Variants in MEF2C observed in about 807,000 individuals in gnomAD.
MEF2C encodes the protein myocyte-specific enhancer factor 2C.
In MEF2C, 6 loss-of-function variants were observed where a neutral mutation model predicts 50.5. The ratio of observed to expected loss-of-function variants is 0.12; its 90% confidence interval spans 0.07 to 0.23. MEF2C has a LOEUF of 0.23. Among genes scored for constraint, MEF2C ranks in the 10% least tolerant of loss-of-function variants. MEF2C has a pLI of 1.00. For missense variants in MEF2C, 276 were observed against 605.0 expected (o/e 0.46, Z 5.70); for synonymous variants, 183 against 228.0 (o/e 0.80, Z 1.78).
chr5:88,754,687 A>G lies in MEF2C; in HGVS notation c.403-2644T>C, dbSNP rs567429039. On this transcript the variant is annotated intron_variant, in intron 4 of 10. Coordinates refer to ENST00000504921, the MANE Select transcript of MEF2C (RefSeq NM_002397.5). ...GATAACTGCAGTCACGTCCTAACAG[A>G]TTTACCTGCTCCGGTCCTTGCCATC... is the stretch of plus-strand genomic sequence containing the variant. Among the ~76,000 whole-genome samples the G allele has an allele frequency of 5.5e-4, 84 of 152,262 alleles. No homozygotes were observed. The South Asian group carries it at 0.011, about 20-fold the overall frequency.
At chr5:88,863,085 C>G (rs1180689150) in intron 1 of MEF2C, among the ~76,000 whole-genome samples, 2 of 152,328 alleles carry the variant, frequency 1.3e-5, no homozygotes, top group South Asian at 2.1e-4. Flanking sequence ...CAGGATTTGA[C>G]TCATCATTTA....
intron 1 of MEF2C, among the ~76,000 whole-genome samples, chr5:88,855,042 T>C (rs1321094818): frequency 6.6e-6 from 1 of 152,194 alleles, no homozygotes; most frequent in Non-Finnish European, 1.5e-5. Context: ...GAGACAAGCA[T>C]GGCAGGAGGT....
chr5:88,792,560 A>G (rs1412376416), intron 3 of MEF2C, among the ~76,000 whole-genome samples: 1 of 152,170 alleles, frequency 6.6e-6, no homozygotes, highest in Non-Finnish European at 1.5e-5. Flanking sequence ...CTCCCTCTTC[A>G]TATTTCAGTC....
intron 1 of MEF2C, among the ~76,000 whole-genome samples, chr5:88,864,851 A>G (rs969516482): frequency 6.6e-6 from 1 of 151,356 alleles, no homozygotes; most frequent in African/African-American, 2.4e-5. Flanking sequence ...ACTCACCGCA[A>G]CCTCCGCCTC....
chr5:88,901,301 C>T lies in MEF2C; in HGVS notation c.-240+2615G>A, dbSNP rs1293637597. Among the ~76,000 whole-genome samples the T allele has an allele frequency of 1.6e-4, 23 of 146,482 alleles. No individual in the cohort carries two copies. The East Asian group carries it at 4.5e-3, about 29-fold the overall frequency. ...TTACATTTGGCACATGGACAGTTGA[C>T]AGCTGTCAGTCAGGTGGCTGGTCAA... On this transcript the variant is annotated intron_variant, in intron 1 of 11. Transcript: ENST00000340208.
At chr5:88,880,137 A>G (rs1454176732) in intron 1 of MEF2C, among the ~76,000 whole-genome samples, 2 of 152,168 alleles carry the variant, frequency 1.3e-5, no homozygotes, top group Admixed American at 6.5e-5. Context: ...ATGGAACAAC[A>G]GTGATTAAAT....
intron 1 of MEF2C, among the ~76,000 whole-genome samples, chr5:88,848,827 A>G (rs1820241546): frequency 6.6e-6 from 1 of 152,142 alleles, no homozygotes; most frequent in Non-Finnish European, 1.5e-5. Flanking sequence ...TGACACAAAG[A>G]TTCTTCAATA....
chr5:88,737,448 T>C, intron 6 of MEF2C: 4 of 985,408 alleles, frequency 4.1e-6, no homozygotes, highest in Non-Finnish European at 4.8e-6. Context: ...TCAGACATTT[T>C]CCCTAATGAA....
chr5:88,729,103 G>A, intron 9 of MEF2C, 115 bp downstream of exon 9: 1 of 1,171,424 alleles, frequency 8.5e-7, no homozygotes, highest in Non-Finnish European at 1.2e-6. Flanking sequence ...CTGCAGTGCT[G>A]TGGACGGCGC....
At chr5:88,832,000 C>T (rs1813251745) in intron 1 of MEF2C, among the ~76,000 whole-genome samples, 1 of 152,122 alleles carries the variant, frequency 6.6e-6, no homozygotes. Context: ...TTCATTCACA[C>T]ATTGTTCTTG....
At chr5:88,766,814 G>A in intron 3 of MEF2C, 1 of 985,312 alleles carries the variant, frequency 1.0e-6, no homozygotes, top group Non-Finnish European at 1.2e-6. Context: ...TTGCATCAAT[G>A]TCATGTTCAC....
At chr5:88,891,362 A>C (rs1834538310) in intron 1 of MEF2C, among the ~76,000 whole-genome samples, 1 of 148,436 alleles carries the variant, frequency 6.7e-6, no homozygotes, top group African/African-American at 2.5e-5. Flanking sequence ...CTAGGATGGA[A>C]TTGGCTCAGA....
intron 6 of MEF2C, chr5:88,733,540 A>G: frequency 1.1e-5 from 11 of 985,260 alleles, no homozygotes; most frequent in Non-Finnish European, 1.3e-5. Context: ...ATGGCCTGAG[A>G]TAGAGGCCAT....
At chr5:88,768,712 G>T (rs191786512) in intron 3 of MEF2C, 1 of 984,840 alleles carries the variant, frequency 1.0e-6, no homozygotes, top group Admixed American at 6.2e-5. Flanking sequence ...GAGGGAGGAA[G>T]ATTAGTCTCA....
At chr5:88,872,417 AT>A (rs1188457077) in intron 1 of MEF2C, among the ~76,000 whole-genome samples, 1 of 151,922 alleles carries the variant, frequency 6.6e-6, no homozygotes, top group African/African-American at 2.4e-5. Context: ...AAAGGTTTTG[AT>A]TTTTTTGGAG....
intron 1 of MEF2C, among the ~76,000 whole-genome samples, chr5:88,864,315 G>GTTA (rs1306512554): frequency 6.6e-6 from 1 of 151,248 alleles, no homozygotes; most frequent in Non-Finnish European, 1.5e-5. Flanking sequence ...AATATATACA[G>GTTA]TTATTATATG....
At chr5:88,781,746 C>T (rs193025930) in intron 3 of MEF2C, among the ~76,000 whole-genome samples, 100 of 152,182 alleles carry the variant, frequency 6.6e-4, no homozygotes, top group Middle Eastern at 3.4e-3. Context: ...CCGAGGCAAG[C>T]GGACCACTTG....
At chr5:88,846,384 G>GA (rs899568478) in intron 1 of MEF2C, among the ~76,000 whole-genome samples, 44 of 152,226 alleles carry the variant, frequency 2.9e-4, no homozygotes, top group African/African-American at 8.9e-4. Context: ...AACACTTTAC[G>GA]AAAGTGCTAC....
At chr5:88,784,829 C>T (rs1790037623) in intron 3 of MEF2C, among the ~76,000 whole-genome samples, 1 of 152,154 alleles carries the variant, frequency 6.6e-6, no homozygotes, top group African/African-American at 2.4e-5. Context: ...GTTGTATGTC[C>T]TATTTTTCCA....
Sources: allele counts gnomAD v4.1 joint callset (sites outside exome capture counted in the v4.1 genomes callset), GRCh38; gene constraint gnomAD v4.1.1; transcripts MANE v1.5; gene names NCBI Gene and HGNC (gene_info 2026-07-23, HGNC 2026-07-21).